The following SPIDR variants were observed in gnomAD, a reference collection of about 807,000 sequenced individuals.
SPIDR encodes the protein DNA repair-scaffolding protein.
In SPIDR, 93 loss-of-function variants were observed where a neutral mutation model predicts 104.6. The ratio of observed to expected loss-of-function variants is 0.89; its 90% CI spans 0.75 to 1.06. The LOEUF (loss-of-function observed/expected upper bound fraction) is 1.06, where lower values mean the gene tolerates loss of function less well. Among genes scored for constraint, SPIDR ranks in the 50% least tolerant of loss-of-function variants. The pLI is 0.00. For synonymous variants in SPIDR, 431 were observed against 416.9 expected (o/e 1.03, Z -0.41); for missense variants, 1,154 against 1,111.2 (o/e 1.04, Z -0.55).
intron 8 of SPIDR, among the ~76,000 whole-genome samples, chr8:47,486,073 T>C (rs1304885342): frequency 6.6e-6 from 1 of 152,184 alleles, no homozygotes; most frequent in Non-Finnish European, 1.5e-5. Flanking sequence ...GGAAGAAGTT[T>C]GAACCCATCG....
intron 5 of SPIDR, among the ~76,000 whole-genome samples, chr8:47,383,025 T>G (rs1281725472): frequency 6.6e-6 from 1 of 152,198 alleles, no homozygotes; most frequent in African/African-American, 2.4e-5. Context: ...TGGGAGGCTG[T>G]CTGTGGTGAG....
At chr8:47,541,152 G>C (rs991084206) in intron 8 of SPIDR, among the ~76,000 whole-genome samples, 2 of 152,288 alleles carry the variant, frequency 1.3e-5, no homozygotes, top group South Asian at 2.1e-4. Context: ...GAGCCACTGC[G>C]CCCAACCAAT....
intron 11 of SPIDR, 66 bp from the exon 12 acceptor site, chr8:47,700,337 G>C (rs2079986823): frequency 1.3e-6 from 2 of 1,515,038 alleles, no homozygotes; most frequent in Admixed American, 3.3e-5. Context: ...CATTCTACCA[G>C]CTCACTGGCC....
intron 11 of SPIDR, among the ~76,000 whole-genome samples, chr8:47,694,301 G>A (rs546610820): frequency 6.6e-6 from 1 of 152,276 alleles, no homozygotes; most frequent in South Asian, 2.1e-4. Flanking sequence ...CAGCCTACCA[G>A]ATATGTCTGA....
chr8:47,725,145 G>A (rs1471948879), intron 16 of SPIDR, among the ~76,000 whole-genome samples: 1 of 152,224 alleles, frequency 6.6e-6, no homozygotes, highest in African/African-American at 2.4e-5. Context: ...AGAAATGTGT[G>A]CACCAGGCGT....
At chr8:47,649,441 G>C (rs529040818) in intron 10 of SPIDR, among the ~76,000 whole-genome samples, 7 of 152,188 alleles carry the variant, frequency 4.6e-5, no homozygotes, top group African/African-American at 1.7e-4. Context: ...GTCAAGGAAA[G>C]ACTGAGGAAC....
chr8:47,503,171 A>G (rs1262320816), intron 8 of SPIDR, among the ~76,000 whole-genome samples: 1 of 152,202 alleles, frequency 6.6e-6, no homozygotes, highest in Non-Finnish European at 1.5e-5. Context: ...TGCAGAACTG[A>G]GTTCAATTCC....
intron 5 of SPIDR, among the ~76,000 whole-genome samples, chr8:47,312,406 A>G (rs202057511): frequency 7.2e-5 from 11 of 152,240 alleles, no homozygotes; most frequent in Admixed American, 2.6e-4. Context: ...TTTAATGATC[A>G]CCATTCTAAC....
At chr8:47,694,250 A>T (rs1283242404) in intron 11 of SPIDR, among the ~76,000 whole-genome samples, 1 of 152,244 alleles carries the variant, frequency 6.6e-6, no homozygotes, top group Non-Finnish European at 1.5e-5. Flanking sequence ...AACAAATAGG[A>T]AATTGTTTCT....
intron 5 of SPIDR, among the ~76,000 whole-genome samples, chr8:47,363,358 G>A (rs189496656): frequency 0.99 from 149,182 of 151,264 alleles, 73,601 homozygotes; most frequent in Middle Eastern, 1. Context: ...GGCGCCCGCC[G>A]CTACTCCCGG....
intron 8 of SPIDR, among the ~76,000 whole-genome samples, chr8:47,537,562 A>G (rs961391401): frequency 1.3e-5 from 2 of 152,228 alleles, no homozygotes; most frequent in African/African-American, 4.8e-5. Context: ...GGAGGGAGAG[A>G]TGAATAGGTG....
intron 4 of SPIDR, 34 bp from the exon 5 acceptor site, chr8:47,293,833 G>T: frequency 6.4e-7 from 1 of 1,567,526 alleles, no homozygotes. Flanking sequence ...AGATTAAGGA[G>T]ATAATTAAGC....
At chr8:47,488,969 C>T (rs1416970934) in intron 8 of SPIDR, among the ~76,000 whole-genome samples, 26 of 152,220 alleles carry the variant, frequency 1.7e-4, no homozygotes, top group Non-Finnish European at 3.4e-4. Context: ...TCTCACCACT[C>T]CTATTCAACA....
intron 11 of SPIDR, among the ~76,000 whole-genome samples, chr8:47,678,132 G>T (rs2076668672): frequency 6.6e-6 from 1 of 152,140 alleles, no homozygotes; most frequent in South Asian, 2.1e-4. Flanking sequence ...AGTTGCCATG[G>T]CATTGAGCTG....
intron 8 of SPIDR, among the ~76,000 whole-genome samples, chr8:47,576,238 G>A (rs1052114580): frequency 2.6e-5 from 4 of 152,086 alleles, no homozygotes; most frequent in Admixed American, 1.3e-4. Flanking sequence ...TGCAGCCTCC[G>A]CCTCCGGGGT....
At chr8:47,306,075 T>C (rs2043040185) in intron 5 of SPIDR, among the ~76,000 whole-genome samples, 2 of 152,240 alleles carry the variant, frequency 1.3e-5, no homozygotes, top group African/African-American at 4.8e-5. Flanking sequence ...ATACAGTATT[T>C]GTTTTTCTGT....
intron 1 of SPIDR, 85 bp downstream of exon 1, chr8:47,261,076 G>T: frequency 1.6e-6 from 2 of 1,212,562 alleles, no homozygotes; most frequent in Non-Finnish European, 2.1e-6. Flanking sequence ...GCCCCGTTGT[G>T]CTGGGGTGAG....
At chr8:47,715,478 A>G (rs1205534300) in intron 16 of SPIDR, among the ~76,000 whole-genome samples, 1 of 152,110 alleles carries the variant, frequency 6.6e-6, no homozygotes, top group African/African-American at 2.4e-5. Flanking sequence ...CCCCCAGCCT[A>G]TTCTGGACAC....
chr8:47,374,759 T>G (rs1171514609), intron 5 of SPIDR, among the ~76,000 whole-genome samples: 11 of 152,166 alleles, frequency 7.2e-5, no homozygotes, highest in Admixed American at 7.2e-4. Flanking sequence ...AATGTGATTT[T>G]AAAACACACG....
Sources: gnomAD v4.1 joint callset for allele counts (sites outside exome capture counted in the v4.1 genomes callset) on GRCh38, gnomAD v4.1.1 for gene constraint, MANE v1.5 for transcripts, NCBI Gene and HGNC (gene_info 2026-07-23, HGNC 2026-07-21) for gene names.